The following LIMS2 variants were observed in gnomAD, a reference collection of about 807,000 sequenced individuals.
The protein encoded by LIMS2 is LIM zinc finger domain containing 2, also known as LIM and senescent cell antigen-like-containing domain protein 2.
In LIMS2, 30 loss-of-function variants were observed where a neutral mutation model predicts 45.3. That is an observed-to-expected ratio of 0.66 (90% CI 0.50 to 0.90). The LOEUF (loss-of-function observed/expected upper bound fraction) is 0.90, where lower values mean the gene tolerates loss of function less well. LIMS2 is among the 40% of genes least tolerant of loss of function. The pLI, the probability that LIMS2 is intolerant of heterozygous loss-of-function variation, is 0.00. For missense variants in LIMS2, 485 were observed against 468.7 expected, an observed-to-expected ratio of 1.03 and a Z score of -0.32; for synonymous variants, 173 against 188.0, an observed-to-expected ratio of 0.92 and a Z score of 0.65.
chr2:127,663,499 T>G (rs1684807865), intron 1 of LIMS2, among the ~76,000 whole-genome samples: 1 of 152,200 alleles, frequency 6.6e-6, no homozygotes, highest in African/African-American at 2.4e-5. Context: ...TCTGGGAGCC[T>G]TCCCTGACCA....
At chr2:127,673,869 G>T (rs943067808) in intron 1 of LIMS2, 1 of 778,242 alleles carries the variant, frequency 1.3e-6, no homozygotes. Flanking sequence ...GCCACTCTCC[G>T]GGGGATGAGT....
chr2:127,674,627 C>T (rs967888502), intron 1 of LIMS2: 9 of 985,170 alleles, frequency 9.1e-6, no homozygotes, highest in Non-Finnish European at 8.4e-6. Flanking sequence ...TCACCGGGAT[C>T]GGGGATCGCA....
At chr2:127,669,717 T>A (rs796700394) in intron 1 of LIMS2, among the ~76,000 whole-genome samples, 132 of 149,032 alleles carry the variant, frequency 8.9e-4, no homozygotes, top group African/African-American at 3.2e-3. Flanking sequence ...GACTCCATCT[T>A]AAAAAAAAAA....
At chr2:127,674,670 G>A (rs1685424804) in intron 1 of LIMS2, 2 of 963,652 alleles carry the variant, frequency 2.1e-6, no homozygotes, top group African/African-American at 3.7e-5. Flanking sequence ...GGGGAGGCAC[G>A]CAACCTTTGA....
intron 4 of LIMS2, chr2:127,651,872 GC>G: frequency 1.1e-6 from 1 of 927,904 alleles, no homozygotes; most frequent in Non-Finnish European, 1.6e-6. Flanking sequence ...CTCAGCAGAT[GC>G]CCACCATTTC....
chr2:127,661,505 C>A (rs1199014779), intron 1 of LIMS2, among the ~76,000 whole-genome samples: 1 of 152,198 alleles, frequency 6.6e-6, no homozygotes, highest in East Asian at 1.9e-4. Context: ...CATTCCATGT[C>A]CTCCTTTGCA....
At position 127,675,108 on chromosome 2, in the gene LIMS2, C is replaced by G. The variant is rs543111338; in HGVS notation, c.-84G>C. On this transcript the variant is annotated 5_prime_UTR_variant, in exon 1 of 10. Transcript: ENST00000355119. ...TGCAGCCGCCAGCCGAGCGCCCGCCCGCCAGCCCGGGCCGCGGAGCAGGGA... is the reference window on the plus strand; with the variant it reads ...TGCAGCCGCCAGCCGAGCGCCCGCCGGCCAGCCCGGGCCGCGGAGCAGGGA... 4 of 1,199,892 alleles carry G rather than the reference C, an allele frequency of 3.3e-6. No homozygotes were observed. The highest frequency in any genetic ancestry group is 1.6e-5 in the African/African-American group (1 of 63,642). The allele number at this position is 1,199,892 out of a possible 1,614,324, so 74.3% of individuals were successfully genotyped here. A position where few individuals can be genotyped will look rare whatever the true frequency, so the allele number is the denominator to read the frequency against.
intron 4 of LIMS2, among the ~76,000 whole-genome samples, chr2:127,649,023 G>A (rs1179150976): frequency 1.6e-5 from 1 of 62,098 alleles, no homozygotes; most frequent in South Asian, 8.3e-4. Flanking sequence ...AGGGAGGGAG[G>A]AAAGAAAGAA....
At chr2:127,674,956 G>A (rs983113696) in intron 1 of LIMS2, 58 bp downstream of exon 1, 3 of 1,226,518 alleles carry the variant, frequency 2.4e-6, no homozygotes, top group African/African-American at 3.1e-5. Flanking sequence ...GCTGCGCCTC[G>A]GCCAGGGGTC....
chr2:127,668,697 A>AAAAAAAAAAAAAAAAAAAAAAAC, intron 1 of LIMS2, among the ~76,000 whole-genome samples: 1 of 85,762 alleles, frequency 1.2e-5, no homozygotes, highest in Non-Finnish European at 2.6e-5. Context: ...AAAAAAAAAA[A>AAAAAAAAAAAAAAAAAAAAAAAC]AAAAAAAAAA....
In LIMS2 at chr2:127,640,251, A is replaced by G. The variant is rs201305372; in HGVS notation, c.802+19T>C. 399 of 1,612,826 alleles carry G rather than the reference A, an allele frequency of 2.5e-4. 1 individual carries two copies. In the African/African-American group the frequency reaches 4.5e-3, roughly 18 times the overall value. On this transcript the variant is annotated intron_variant, in intron 8 of 9. Transcript: ENST00000355119. Reference sequence around the variant, plus strand: ...CCCAGGAGAGCAGGTGGGGTGGGGGAGGGAACACAGGGCCTCACCATCGCC... The same window carrying G: ...CCCAGGAGAGCAGGTGGGGTGGGGGGGGGAACACAGGGCCTCACCATCGCC...
At chr2:127,651,371 C>G (rs757763005) in intron 4 of LIMS2, 41 of 1,612,532 alleles carry the variant, frequency 2.5e-5, no homozygotes, top group Non-Finnish European at 3.5e-5. Flanking sequence ...TCACCTGCTA[C>G]CTGCTGATCA....
In LIMS2 at chr2:127,667,185, GGAGGCT is replaced by G. The variant is rs1189358416; in HGVS notation, c.11+7823_11+7828del. On this transcript the variant is annotated intron_variant, in intron 1 of 9. Coordinates refer to ENST00000355119, the MANE Select transcript of LIMS2 (RefSeq NM_001161403.3). This position sits in a 1 kb window ranked among gnomAD's most constrained non-coding sequence, Gnocchi z 4.1. The stretch of plus-strand genomic sequence containing the variant: ...ACATGCCTATAATCCCAGCTACTCA[GGAGGCT>G]GAGGCAGGAGAATCACTTGAACCTG... 3.3e-5 allele frequency among the ~76,000 whole-genome samples: 5 copies of G among 152,330 alleles called. No homozygotes were observed. The East Asian group carries it at 9.6e-4, about 29-fold the overall frequency.
intron 4 of LIMS2, chr2:127,650,679 G>A (rs371846694): frequency 3.9e-5 from 57 of 1,447,408 alleles, no homozygotes; most frequent in East Asian, 1.1e-4. Context: ...TGCCTAGATC[G>A]CAAGCTCATT....
At chr2:127,669,343 T>G (rs779736017) in intron 1 of LIMS2, among the ~76,000 whole-genome samples, 2 of 152,136 alleles carry the variant, frequency 1.3e-5, no homozygotes, top group Non-Finnish European at 2.9e-5. Flanking sequence ...TAAATTGGAT[T>G]TCATTAAAAG....
At chr2:127,657,257 C>T in intron 2 of LIMS2, 146 bp downstream of exon 2, 2 of 862,400 alleles carry the variant, frequency 2.3e-6, no homozygotes, top group East Asian at 2.6e-5. Flanking sequence ...GAAGGATGGG[C>T]CCGTGCAGGA....
At chr2:127,651,361 T>C in intron 4 of LIMS2, 1 of 1,612,450 alleles carries the variant, frequency 6.2e-7, no homozygotes, top group Non-Finnish European at 8.5e-7. Context: ...ATCACCACGG[T>C]CACCTGCTAC....
At chr2:127,640,378 T>C in intron 7 of LIMS2, 60 bp from the exon 8 acceptor site, 1 of 1,563,254 alleles carries the variant, frequency 6.4e-7, no homozygotes, top group South Asian at 1.1e-5. Context: ...CCCAGGGCCA[T>C]CATGCAGCCA....
At chr2:127,660,593 C>G (rs76426760) in intron 1 of LIMS2, among the ~76,000 whole-genome samples, 2 of 152,136 alleles carry the variant, frequency 1.3e-5, no homozygotes, top group African/African-American at 4.8e-5. Flanking sequence ...ACAACCCCAC[C>G]GGAAGGAAGA....
Sources: allele counts gnomAD v4.1 joint callset (sites outside exome capture counted in the v4.1 genomes callset), GRCh38; gene constraint gnomAD v4.1.1; non-coding constraint Gnocchi (gnomAD v3.1); transcripts MANE v1.5; gene names NCBI Gene and HGNC (gene_info 2026-07-23, HGNC 2026-07-21).